Variants in RAB7A observed in about 807,000 individuals in gnomAD.
RAB7A encodes the protein RAB7A, member RAS oncogene family, also known as ras-related protein Rab-7a.
RAB7A carries 2 observed loss-of-function variants against 24.5 expected under a neutral mutation model. The observed-to-expected ratio is 0.08, with a 90% confidence interval of 0.03 to 0.26. The LOEUF is 0.26. Ranked by LOEUF, RAB7A falls within the 10% of genes least tolerant of loss-of-function variation. The pLI is 1.00. For synonymous variants in RAB7A, 100 were observed against 95.9 expected (o/e 1.04, Z -0.25); for missense variants, 118 against 255.7 (o/e 0.46, Z 3.67).
At chr3:128,736,687 T>A (rs964333274) in intron 1 of RAB7A, among the ~76,000 whole-genome samples, 26 of 152,124 alleles carry the variant, frequency 1.7e-4, no homozygotes, top group African/African-American at 6.3e-4. Context: ...TATTTAAATT[T>A]AAAAAAATTT....
intron 1 of RAB7A, among the ~76,000 whole-genome samples, chr3:128,781,403 T>C (rs6785115): frequency 0.28 from 42,048 of 151,984 alleles, 7,471 homozygotes; most frequent in African/African-American, 0.5. Context: ...TGGGGTAGCT[T>C]ATCCCTGTAA....
At chr3:128,809,936 C>CTGTTTTTTTTTTTTTT (rs1933887025) in intron 5 of RAB7A, among the ~76,000 whole-genome samples, 2 of 52,216 alleles carry the variant, frequency 3.8e-5, no homozygotes, top group Admixed American at 2.9e-4. Context: ...TTGCCACAGT[C>CTGTTTTTTTTTTTTTT]TTTTTTTTTT....
At chr3:128,754,221 CTG>C (rs1027673746) in intron 1 of RAB7A, among the ~76,000 whole-genome samples, 3 of 152,086 alleles carry the variant, frequency 2.0e-5, no homozygotes, top group Non-Finnish European at 4.4e-5. Context: ...AGTTATTAGT[CTG>C]TGTTTTGGAC....
chr3:128,786,318 A>C (rs967380157), intron 1 of RAB7A, among the ~76,000 whole-genome samples: 1 of 152,160 alleles, frequency 6.6e-6, no homozygotes, highest in African/African-American at 2.4e-5. Context: ...AGTTGAGAAG[A>C]GTCTGCCTAC....
chr3:128,768,475 G>A (rs2070853361), intron 1 of RAB7A, among the ~76,000 whole-genome samples: 1 of 152,128 alleles, frequency 6.6e-6, no homozygotes. Flanking sequence ...GCATATGGTA[G>A]GCATATGCTT....
intron 1 of RAB7A, among the ~76,000 whole-genome samples, chr3:128,750,824 G>T (rs918749389): frequency 6.6e-6 from 1 of 152,308 alleles, no homozygotes; most frequent in Admixed American, 6.5e-5. Flanking sequence ...TCCCATCACA[G>T]GCCTGGAGGC....
chr3:128,740,054 G>A (rs147605513), intron 1 of RAB7A, among the ~76,000 whole-genome samples: 5,052 of 151,808 alleles, frequency 0.033, 147 homozygotes, highest in Middle Eastern at 0.065. Flanking sequence ...CAACAAGAGC[G>A]AAACTCCATC....
intron 1 of RAB7A, among the ~76,000 whole-genome samples, chr3:128,739,781 T>G (rs989037771): frequency 6.6e-6 from 1 of 152,134 alleles, no homozygotes; most frequent in Non-Finnish European, 1.5e-5. Flanking sequence ...AGAAAAGTAT[T>G]TAATAGGGCC....
chr3:128,791,383 C>G (rs868000844), intron 1 of RAB7A, among the ~76,000 whole-genome samples: 2 of 152,180 alleles, frequency 1.3e-5, no homozygotes, highest in Non-Finnish European at 2.9e-5. Flanking sequence ...TCAGGTGATT[C>G]ACCTTCCTTG....
chr3:128,806,731 C>G, intron 4 of RAB7A, 141 bp downstream of exon 4: 1 of 888,332 alleles, frequency 1.1e-6, no homozygotes, highest in Non-Finnish European at 1.8e-6. Flanking sequence ...GCCCTTCAGG[C>G]CAACTGCCTT....
At chr3:128,775,110 A>C (rs766423429) in intron 1 of RAB7A, among the ~76,000 whole-genome samples, 8 of 152,110 alleles carry the variant, frequency 5.3e-5, no homozygotes, top group Non-Finnish European at 1.2e-4. Flanking sequence ...CCTTTTCTTA[A>C]ATGTATGAGG....
intron 1 of RAB7A, among the ~76,000 whole-genome samples, chr3:128,794,417 C>T (rs140414535): frequency 1.6e-4 from 25 of 152,290 alleles, no homozygotes; most frequent in Admixed American, 5.2e-4. Flanking sequence ...AATTAATAAG[C>T]GGCAAAACCA....
intron 1 of RAB7A, among the ~76,000 whole-genome samples, chr3:128,731,825 G>A (rs2107581462): frequency 6.6e-6 from 1 of 152,060 alleles, no homozygotes; most frequent in Middle Eastern, 3.4e-3. Context: ...GGCCAACGTG[G>A]TGAAACCCCG....
At chr3:128,769,022 A>T (rs1576286218) in intron 1 of RAB7A, among the ~76,000 whole-genome samples, 1 of 106,042 alleles carries the variant, frequency 9.4e-6, no homozygotes, top group Middle Eastern at 0.011. Flanking sequence ...ACTCTCATGG[A>T]GCTGGGACCA....
At chr3:128,767,175 C>T (rs1407130673) in intron 1 of RAB7A, among the ~76,000 whole-genome samples, 2 of 152,166 alleles carry the variant, frequency 1.3e-5, no homozygotes, top group Non-Finnish European at 2.9e-5. Context: ...ATTGTCCCTT[C>T]AGTCAGGTGT....
chr3:128,782,346 C>T (rs925387010), intron 1 of RAB7A, among the ~76,000 whole-genome samples: 4 of 152,104 alleles, frequency 2.6e-5, no homozygotes, highest in Non-Finnish European at 4.4e-5. Context: ...ATGCCAGAAC[C>T]GTTCTCCCTC....
intron 1 of RAB7A, among the ~76,000 whole-genome samples, chr3:128,774,065 A>G (rs2107602209): frequency 1.4e-5 from 2 of 144,162 alleles, no homozygotes. Context: ...AGAAACACCC[A>G]AGAATGATCA....
intron 1 of RAB7A, among the ~76,000 whole-genome samples, chr3:128,761,666 A>G (rs1005819312): frequency 6.6e-6 from 1 of 152,238 alleles, no homozygotes; most frequent in African/African-American, 2.4e-5. Context: ...TCTCTGCCAC[A>G]GATTTGCCCT....
At chr3:128,770,320 C>T (rs934359589) in intron 1 of RAB7A, among the ~76,000 whole-genome samples, 18 of 152,162 alleles carry the variant, frequency 1.2e-4, no homozygotes, top group African/African-American at 3.6e-4. Context: ...ACTTACTTTT[C>T]GTTTGGTGAC....
Sources: gnomAD v4.1 joint callset for allele counts (sites outside exome capture counted in the v4.1 genomes callset) on GRCh38, gnomAD v4.1.1 for gene constraint, MANE v1.5 for transcripts, NCBI Gene and HGNC (gene_info 2026-07-23, HGNC 2026-07-21) for gene names.